The following MGAM2 variants were observed in gnomAD, a reference collection of about 807,000 sequenced individuals.
The protein encoded by MGAM2 is probable maltase-glucoamylase 2.
A neutral mutation model predicts 96.1 loss-of-function variants in MGAM2; 98 were observed. The observed-to-expected ratio is 1.02, with a 90% CI of 0.87 to 1.21. The LOEUF (loss-of-function observed/expected upper bound fraction) is 1.21. Ranked by LOEUF, MGAM2 falls within the 50% of genes most tolerant of loss-of-function variation. The pLI is 0.00. For missense variants in MGAM2, 2,055 were observed against 1,182.4 expected (o/e 1.74, Z -10.82); for synonymous variants, 749 against 414.8 (o/e 1.81, Z -9.79).
rs752957746 is a variant in MGAM2, at chr7:142,154,867, A to G, written c.1923+22A>G. 7.1e-6 allele frequency: 5 copies of G among 702,482 alleles called. No individual in the cohort carries two copies. In the South Asian group the frequency reaches 7.4e-5, roughly 10 times the overall value. The allele number at this position is 702,482 out of a possible 1,614,324, so 43.5% of individuals were successfully genotyped here. A position where few individuals can be genotyped will look rare whatever the true frequency, so the allele number is the denominator to read the frequency against. On this transcript the variant is annotated intron_variant, in intron 17 of 47. Transcript: ENST00000477922. ...CAGGGTAAGGTCACCAAAAGAAGTG[A>G]TGGAAACTTTTTGGATTAGCTAATC...
intron 23 of MGAM2, among the ~76,000 whole-genome samples, chr7:142,162,449 A>G (rs963963818): frequency 3.2e-4 from 48 of 152,212 alleles, no homozygotes; most frequent in African/African-American, 1.2e-3. Flanking sequence ...ACAGAACATC[A>G]CTTGCCTCAT....
Position 142,221,009 on chromosome 7 carries a change from T to C in MGAM2, c.6498T>C (p.His2166=), listed in dbSNP as rs1464590638. 1.4e-6 allele frequency: 1 copy of C among 702,314 alleles called. No individual in the cohort carries two copies. Among genetic ancestry groups the C allele is most frequent in the African/African-American group, 1.7e-5 (1 of 57,190 alleles). 43.5% of individuals were successfully genotyped at this position (702,314 alleles called of 1,614,324 possible). Residue 2166 remains histidine (H), a synonymous_variant, in exon 48 of 48, where the codon CAT becomes CAC. Coordinates refer to ENST00000477922, the MANE Select transcript of MGAM2 (RefSeq NM_001293626.2). ...TNVANITATS[H]TSTDDTVPNN... is the part of the protein sequence containing the mutation. The stretch of plus-strand genomic sequence containing the variant: ...TTGCTAATATAACTGCTACCTCTCA[T>C]ACAAGTACTGATGATACTGTTCCTA...
chr7:142,211,929 G>T (rs755639272), intron 46 of MGAM2, among the ~76,000 whole-genome samples: 1 of 152,162 alleles, frequency 6.6e-6, no homozygotes, highest in Non-Finnish European at 1.5e-5. Context: ...AAATGTTAAG[G>T]TCAGCCAGAG....
Position 142,154,715 on chromosome 7 carries a change from T to C in MGAM2, c.1807-14T>C, listed in dbSNP as rs1395428021. The C allele has an allele frequency of 1.4e-6, 1 of 702,994 alleles. No homozygotes were observed. The highest frequency in any genetic ancestry group is 2.6e-6 in the Non-Finnish European group (1 of 384,966). 43.5% of individuals were successfully genotyped at this position (702,994 alleles called of 1,614,324 possible). A position where few individuals can be genotyped will look rare whatever the true frequency, so the allele number is the denominator to read the frequency against. ...TCATTGACCACAGTGCTTGTATGTG[T>C]GCTAATTCTCCAGGTAGGTGCCAAC... is the stretch of plus-strand genomic sequence containing the variant. On this transcript the variant is annotated splice_polypyrimidine_tract_variant and intron_variant, in intron 16 of 47. Coordinates refer to ENST00000477922, the MANE Select transcript of MGAM2 (RefSeq NM_001293626.2).
intron 20 of MGAM2, among the ~76,000 whole-genome samples, chr7:142,159,692 C>T (rs1296189287): frequency 2.6e-5 from 4 of 152,116 alleles, no homozygotes; most frequent in African/African-American, 9.7e-5. Flanking sequence ...AAAAGTCTCC[C>T]CACCCCTTAA....
At chr7:142,156,273 C>T (rs1050614268) in intron 17 of MGAM2, among the ~76,000 whole-genome samples, 2 of 151,944 alleles carry the variant, frequency 1.3e-5, no homozygotes, top group Non-Finnish European at 2.9e-5. Flanking sequence ...ATCATTTCAA[C>T]CTGTGTTTAA....
intron 32 of MGAM2, among the ~76,000 whole-genome samples, chr7:142,177,001 G>T (rs12538926): frequency 0.19 from 28,755 of 151,944 alleles, 3,006 homozygotes; most frequent in East Asian, 0.34. Flanking sequence ...ATATTTCAGG[G>T]TTAAACTTTT....
intron 3 of MGAM2, among the ~76,000 whole-genome samples, chr7:142,123,978 T>TA (rs34095844): frequency 0.16 from 22,593 of 139,996 alleles, 2,150 homozygotes; most frequent in East Asian, 0.34. Flanking sequence ...TTTTTTTTTT[T>TA]TTTTTTTTTT....
Position 142,197,659 on chromosome 7 carries a change from G to A in MGAM2, c.4797G>A (p.Arg1599=), listed in dbSNP as rs770980373. The change falls in exon 42 of 48, where the codon AGG becomes AGA. Residue 1599 remains arginine (R), a synonymous_variant. Coordinates refer to ENST00000477922, the MANE Select transcript of MGAM2 (RefSeq NM_001293626.2). ...RPLLHEFTDD[R]TTWDIDRQFM... ...TTTTTTTAAGGTTTACGGATGACAG[G>A]ACAACATGGGATATAGACCGTCAGT... The A allele has an allele frequency of 7.1e-5, 50 of 702,812 alleles. No homozygotes were observed. Among genetic ancestry groups the A allele is most frequent in the Non-Finnish European group, 1.1e-4 (44 of 385,004 alleles). The allele number at this position is 702,812 out of a possible 1,614,324, so 43.5% of individuals were successfully genotyped here.
intron 46 of MGAM2, among the ~76,000 whole-genome samples, chr7:142,214,496 C>A (rs1229908414): frequency 2.6e-5 from 4 of 152,090 alleles, no homozygotes; most frequent in African/African-American, 9.7e-5. Context: ...AAATCACAAG[C>A]ATTTCGATAC....
chr7:142,170,023 G>T lies in MGAM2; in HGVS notation c.3028-52G>T. The stretch of plus-strand genomic sequence containing the variant: ...ACTGAATTATATGGGGTGGCATGAG[G>T]GGTTTTAGGTCTGAGACCCTAACAG... On this transcript the variant is annotated intron_variant, in intron 26 of 47. Transcript: ENST00000477922. The T allele has an allele frequency of 4.6e-6, 3 of 658,278 alleles. No homozygotes were observed. The South Asian group carries it at 5.0e-5, about 11-fold the overall frequency. The allele number at this position is 658,278 out of a possible 1,614,324, so 40.8% of individuals were successfully genotyped here.
chr7:142,114,789 C>T (rs771543765), intron 1 of MGAM2, among the ~76,000 whole-genome samples: 1 of 151,992 alleles, frequency 6.6e-6, no homozygotes, highest in Non-Finnish European at 1.5e-5. Flanking sequence ...TTTGTGGAAA[C>T]GCTTGGGTTG....
At chr7:142,171,673 A>T (rs1796197148) in intron 28 of MGAM2, among the ~76,000 whole-genome samples, 1 of 136,624 alleles carries the variant, frequency 7.3e-6, no homozygotes, top group Non-Finnish European at 1.6e-5. Flanking sequence ...TGACAGAGGG[A>T]AATATGTATA....
intron 45 of MGAM2, among the ~76,000 whole-genome samples, chr7:142,207,403 T>G (rs1324887795): frequency 6.7e-6 from 1 of 148,258 alleles, no homozygotes; most frequent in Non-Finnish European, 1.5e-5. Flanking sequence ...AAAGGCTACA[T>G]TTATTTATTT....
chr7:142,196,349 C>A, intron 38 of MGAM2, 62 bp downstream of exon 38: 1 of 674,998 alleles, frequency 1.5e-6, no homozygotes. Context: ...TTGTGCTGTT[C>A]AACAGCACTG....
intron 45 of MGAM2, among the ~76,000 whole-genome samples, chr7:142,200,883 A>G (rs1311377943): frequency 6.6e-6 from 1 of 151,994 alleles, no homozygotes; most frequent in African/African-American, 2.4e-5. Flanking sequence ...AATTTTTAAT[A>G]TGGCTGAAAA....
chr7:142,164,107 G>A (rs895051589), intron 23 of MGAM2, among the ~76,000 whole-genome samples: 1 of 152,064 alleles, frequency 6.6e-6, no homozygotes, highest in Non-Finnish European at 1.5e-5. Context: ...TTTGACCTGT[G>A]TATGTCCAGT....
At position 142,172,566 on chromosome 7, in the gene MGAM2, G is replaced by A; in HGVS notation, c.3449-86G>A. On this transcript the variant is annotated intron_variant, in intron 29 of 47. Transcript: ENST00000477922. ...AAGGCATGTATCAAAGACAGAGTAT[G>A]AAGAAAGCAAATCTTAGAGCAGGTT... 1.3e-5 allele frequency: 8 copies of A among 603,556 alleles called. No homozygotes were observed. In the South Asian group the frequency reaches 1.6e-4, roughly 12 times the overall value. The allele number at this position is 603,556 out of a possible 1,614,324, so 37.4% of individuals were successfully genotyped here.
Position 142,196,332 on chromosome 7 carries a change from C to T in MGAM2, c.4480+45C>T, listed in dbSNP as rs1024012739. 3 of 690,758 alleles carry T rather than the reference C, an allele frequency of 4.3e-6. No homozygotes were observed. The South Asian group carries it at 4.7e-5, about 11-fold the overall frequency. 42.8% of individuals were successfully genotyped at this position (690,758 alleles called of 1,614,324 possible). A position where few individuals can be genotyped will look rare whatever the true frequency, so the allele number is the denominator to read the frequency against. On this transcript the variant is annotated intron_variant, in intron 38 of 47. Transcript: ENST00000477922. ...GGGGCCTGTGCTGGCAGGGAGGGCA[C>T]TGGAGTTTGTGCTGTTCAACAGCAC...
Sources: allele counts gnomAD v4.1 joint callset (sites outside exome capture counted in the v4.1 genomes callset), GRCh38; gene constraint gnomAD v4.1.1; transcripts MANE v1.5; gene names NCBI Gene and HGNC (gene_info 2026-07-23, HGNC 2026-07-21).